The following TRIM37 variants were observed in gnomAD, a reference collection of about 807,000 sequenced individuals.
TRIM37 encodes the protein E3 ubiquitin-protein ligase TRIM37.
A neutral mutation model predicts 129.8 loss-of-function variants in TRIM37; 80 were observed. The observed-to-expected ratio is 0.62, with a 90% CI of 0.51 to 0.74. TRIM37 has a LOEUF of 0.74. Among genes scored for constraint, TRIM37 ranks in the 30% least tolerant of loss-of-function variants. The probability of loss-of-function intolerance (pLI) is 0.00; values close to 1 mark genes in which losing one functional copy is unlikely to be tolerated. For synonymous variants in TRIM37, 389 were observed against 387.1 expected (o/e 1.00, Z -0.06); for missense variants, 1,054 against 1,176.5 (o/e 0.90, Z 1.52).
At chr17:59,049,138 T>C (rs2040103490) in intron 15 of TRIM37, 40 bp downstream of exon 15, 2 of 1,549,134 alleles carry the variant, frequency 1.3e-6, no homozygotes, top group Non-Finnish European at 1.8e-6. Flanking sequence ...CTGTTTTTTT[T>C]TAATCAAACA....
intron 9 of TRIM37, among the ~76,000 whole-genome samples, chr17:59,069,279 G>A (rs1173666352): frequency 2.6e-5 from 4 of 151,888 alleles, no homozygotes; most frequent in Admixed American, 1.3e-4. Flanking sequence ...TCCGGGAGGT[G>A]GAGGTTGCAG....
intron 16 of TRIM37, among the ~76,000 whole-genome samples, chr17:59,044,141 T>C (rs2039531215): frequency 6.6e-6 from 1 of 152,094 alleles, no homozygotes; most frequent in Non-Finnish European, 1.5e-5. Flanking sequence ...ACCCTGTCTC[T>C]ACAAAATATT....
At chr17:58,994,167 C>T (rs553559534), downstream of TRIM37, among the ~76,000 whole-genome samples, 32 of 152,172 alleles carry the variant, frequency 2.1e-4, no homozygotes, top group South Asian at 6.6e-3. Flanking sequence ...AGAATGAGGC[C>T]TCTGGAGCTG....
exon 25 of TRIM37, chr17:58,982,820 T>C: frequency 1.6e-6 from 2 of 1,268,042 alleles, no homozygotes; most frequent in Non-Finnish European, 2.2e-6. Context: ...TTCATCATTC[T>C]GAGGCTTTGC....
intron 1 of TRIM37, among the ~76,000 whole-genome samples, chr17:59,106,203 C>T (rs1488076891): frequency 6.6e-6 from 1 of 152,156 alleles, no homozygotes; most frequent in Non-Finnish European, 1.5e-5. Flanking sequence ...GTACCTGTGC[C>T]AAGACATCCT....
At chr17:58,999,657 G>C (rs2033422876) in intron 23 of TRIM37, among the ~76,000 whole-genome samples, 198 bp from the exon 24 acceptor site, 2 of 151,956 alleles carry the variant, frequency 1.3e-5, no homozygotes, top group Admixed American at 6.6e-5. Flanking sequence ...GAAAAATAAA[G>C]GAGAAAAAAA....
intron 19 of TRIM37, among the ~76,000 whole-genome samples, chr17:59,021,097 A>G (rs570174111): frequency 6.6e-6 from 1 of 152,340 alleles, no homozygotes; most frequent in South Asian, 2.1e-4. Context: ...ACAAATGGAT[A>G]AAGAAAATGT....
At chr17:59,016,342 C>T (rs907209325) in intron 20 of TRIM37, among the ~76,000 whole-genome samples, 6 of 143,392 alleles carry the variant, frequency 4.2e-5, no homozygotes, top group African/African-American at 1.6e-4. Flanking sequence ...TGCGGTGAGC[C>T]GAGATCGCAC....
At chr17:59,038,443 G>C (rs1181416695) in intron 17 of TRIM37, among the ~76,000 whole-genome samples, 2 of 152,066 alleles carry the variant, frequency 1.3e-5, no homozygotes, top group African/African-American at 4.8e-5. Flanking sequence ...TCATTATTAT[G>C]TCTTCAACAT....
intron 9 of TRIM37, among the ~76,000 whole-genome samples, chr17:59,067,697 C>G (rs774319736): frequency 6.6e-6 from 1 of 152,092 alleles, no homozygotes; most frequent in Non-Finnish European, 1.5e-5. Flanking sequence ...CCACCACACC[C>G]GGCTAATTTT....
At chr17:58,975,463 C>A in the TRIM37 span, among the ~76,000 whole-genome samples, 3 of 152,124 alleles carry the variant, frequency 2.0e-5, no homozygotes, top group East Asian at 5.8e-4. Flanking sequence ...ATAGTGATAC[C>A]TCATCTCTAT....
downstream of TRIM37, among the ~76,000 whole-genome samples, chr17:58,978,613 A>T (rs972306766): frequency 2.6e-5 from 4 of 152,190 alleles, no homozygotes; most frequent in African/African-American, 9.7e-5. Context: ...CCGGAGGCGG[A>T]GGCAGGAGAA....
chr17:59,014,444 A>G lies in TRIM37; in HGVS notation c.2576+1166T>C, dbSNP rs139897838. Reference sequence around the variant, plus strand: ...TATCCATAATCACTCTATCTTTTGAATAGATGGAAGTTTAATTGCCATGCC... The same window carrying G: ...TATCCATAATCACTCTATCTTTTGAGTAGATGGAAGTTTAATTGCCATGCC... On this transcript the variant is annotated intron_variant, in intron 21 of 23. Transcript: ENST00000262294. Among the ~76,000 whole-genome samples the G allele has an allele frequency of 9.1e-3, 1,384 of 152,294 alleles. 9 individuals are homozygous for G. The highest frequency in any genetic ancestry group is 0.014 in the Middle Eastern group (4 of 294).
intron 16 of TRIM37, among the ~76,000 whole-genome samples, chr17:59,042,449 AAT>A (rs71145518): frequency 8.6e-3 from 309 of 35,996 alleles, no homozygotes; most frequent in African/African-American, 0.029. Flanking sequence ...AAAAAAAAAA[AAT>A]ATATATATAT....
At chr17:59,072,122 A>G (rs1428951587) in intron 8 of TRIM37, among the ~76,000 whole-genome samples, 1 of 152,168 alleles carries the variant, frequency 6.6e-6, no homozygotes, top group Non-Finnish European at 1.5e-5. Flanking sequence ...ATTAAGAGGA[A>G]GAGACTCTAG....
downstream of TRIM37, among the ~76,000 whole-genome samples, chr17:58,993,539 T>G (rs1470338166): frequency 6.6e-6 from 1 of 152,166 alleles, no homozygotes; most frequent in Non-Finnish European, 1.5e-5. Flanking sequence ...GGTCAAACTG[T>G]GATCCCGTTT....
the TRIM37 span, chr17:58,969,443 G>A: frequency 8.7e-7 from 1 of 1,152,374 alleles, no homozygotes; most frequent in Non-Finnish European, 1.3e-6. Context: ...AAATGCAGTG[G>A]AGGAGAAAGG....
chr17:59,019,013 C>T (rs905917833), intron 19 of TRIM37, among the ~76,000 whole-genome samples: 5 of 152,240 alleles, frequency 3.3e-5, no homozygotes, highest in Non-Finnish European at 5.9e-5. Context: ...GTGTTGCCAA[C>T]GGTATGGAAA....
chr17:59,008,423 C>T (rs1256376600), intron 22 of TRIM37, among the ~76,000 whole-genome samples: 3 of 152,198 alleles, frequency 2.0e-5, no homozygotes. Flanking sequence ...GGAAAATGTA[C>T]CGATCTTCAC....
Sources: gnomAD v4.1 joint callset for allele counts (sites outside exome capture counted in the v4.1 genomes callset) on GRCh38, gnomAD v4.1.1 for gene constraint, MANE v1.5 for transcripts, NCBI Gene and HGNC (gene_info 2026-07-23, HGNC 2026-07-21) for gene names.